Variants in FAM163A observed in about 807,000 individuals in gnomAD.
The protein encoded by FAM163A is family with sequence similarity 163 member A.
FAM163A carries 7 observed loss-of-function variants against 12.0 expected under a neutral mutation model. That is an observed-to-expected ratio of 0.58 (90% confidence interval 0.33 to 1.10). The LOEUF (loss-of-function observed/expected upper bound fraction) is 1.10. FAM163A is among the 50% of genes least tolerant of loss of function. The pLI, the probability that FAM163A is intolerant of heterozygous loss-of-function variation, is 0.03. For synonymous variants in FAM163A, 101 were observed against 91.0 expected (o/e 1.11, Z -0.62); for missense variants, 202 against 218.6 (o/e 0.92, Z 0.48).
chr1:179,780,604 C>A (rs542227234), intron 1 of FAM163A, among the ~76,000 whole-genome samples: 1 of 152,142 alleles, frequency 6.6e-6, no homozygotes, highest in Middle Eastern at 3.2e-3. Flanking sequence ...CAAGACTCAC[C>A]CCAGACCTGC....
intron 1 of FAM163A, among the ~76,000 whole-genome samples, chr1:179,779,748 C>A (rs1361168484): frequency 6.6e-6 from 1 of 152,140 alleles, no homozygotes; most frequent in Non-Finnish European, 1.5e-5. Flanking sequence ...ACTCTCAGGG[C>A]ATTCATAAAG....
At chr1:179,775,719 T>C (rs1198902904) in intron 1 of FAM163A, among the ~76,000 whole-genome samples, 2 of 152,068 alleles carry the variant, frequency 1.3e-5, no homozygotes, top group Non-Finnish European at 2.9e-5. Context: ...ATCAGTAGGA[T>C]AGATGGATGA....
intron 1 of FAM163A, among the ~76,000 whole-genome samples, chr1:179,797,396 CA>C: frequency 6.6e-6 from 1 of 152,102 alleles, no homozygotes; most frequent in South Asian, 2.1e-4. Context: ...TGCAGTGAGC[CA>C]AGATCACGCC....
At chr1:179,741,883 T>C (rs905904820), upstream of FAM163A, 1 of 152,252 alleles carries the variant, frequency 6.6e-6, no homozygotes, top group East Asian at 1.9e-4. Context: ...TCTGGGGTGG[T>C]AGCAATGACC....
intron 1 of FAM163A, among the ~76,000 whole-genome samples, chr1:179,780,695 G>C (rs1447146585): frequency 6.6e-6 from 1 of 152,192 alleles, no homozygotes; most frequent in Non-Finnish European, 1.5e-5. Flanking sequence ...TAAAGTTTGT[G>C]TGATTCCTAC....
chr1:179,814,733 C>T lies in FAM163A; in HGVS notation c.*544C>T, dbSNP rs914523349. ...CTCCAACAGCTAGTTCACAGCCCAG[C>T]TTTGTACGTTGGTTACCATAGCTAC... On this transcript the variant is annotated 3_prime_UTR_variant, in exon 5 of 5. Transcript: ENST00000341785. The T allele has an allele frequency of 5.8e-5, 9 of 155,432 alleles. No homozygotes were observed. Among genetic ancestry groups the T allele is most frequent in the African/African-American group, 2.2e-4 (9 of 41,444 alleles). The allele number at this position is 155,432 out of a possible 1,614,324, so 9.6% of individuals were successfully genotyped here.
intron 1 of FAM163A, among the ~76,000 whole-genome samples, chr1:179,784,593 C>T (rs1690341209): frequency 6.6e-6 from 1 of 152,082 alleles, no homozygotes; most frequent in Non-Finnish European, 1.5e-5. Context: ...CACAACAGAC[C>T]CAGAGAAAAC....
At chr1:179,745,303 G>T (rs989797188) in intron 1 of FAM163A, among the ~76,000 whole-genome samples, 4 of 152,140 alleles carry the variant, frequency 2.6e-5, no homozygotes, top group African/African-American at 9.7e-5. Context: ...GTGCAGATGA[G>T]AGCAGGTCCC....
At chr1:179,741,571 C>T (rs1683647037), upstream of FAM163A, among the ~76,000 whole-genome samples, 1 of 152,136 alleles carries the variant, frequency 6.6e-6, no homozygotes, top group African/African-American at 2.4e-5. Context: ...GTGATATGTC[C>T]ATACAAGGGA....
chr1:179,808,200 G>A (rs1694216898), intron 2 of FAM163A, among the ~76,000 whole-genome samples: 1 of 152,226 alleles, frequency 6.6e-6, no homozygotes, highest in Non-Finnish European at 1.5e-5. Flanking sequence ...TCAGGCACTT[G>A]TTATCCTATG....
chr1:179,774,350 G>A (rs1303681592), intron 1 of FAM163A, among the ~76,000 whole-genome samples: 1 of 152,226 alleles, frequency 6.6e-6, no homozygotes, highest in Non-Finnish European at 1.5e-5. Flanking sequence ...TACAGGTCCG[G>A]CCTTCCCAGT....
chr1:179,765,982 C>T (rs1308271658), intron 1 of FAM163A, among the ~76,000 whole-genome samples: 4 of 152,158 alleles, frequency 2.6e-5, no homozygotes, highest in Middle Eastern at 3.2e-3. Context: ...CTTGGAAGGG[C>T]TCTTACAGCT....
intron 1 of FAM163A, among the ~76,000 whole-genome samples, chr1:179,801,979 G>A (rs934608131): frequency 6.6e-6 from 1 of 152,210 alleles, no homozygotes; most frequent in Non-Finnish European, 1.5e-5. Context: ...GCCTTAGGAA[G>A]GCCAAACAAA....
At position 179,813,103 on chromosome 1, in the gene FAM163A, A is replaced by G; in HGVS notation, c.6A>G (p.Thr2=). The change falls in exon 4 of 5, where the codon ACA becomes ACG. Residue 2 remains threonine, a synonymous_variant. Transcript: ENST00000341785. M[T]AGTVVITGGI... is the part of the protein sequence containing the mutation. ...TTTGATGGGGCGCCGGGCGGATGAC[A>G]GCGGGAACGGTTGTGATCACTGGCG... 2.6e-6 allele frequency: 4 copies of G among 1,551,752 alleles called. No homozygotes were observed. Among genetic ancestry groups the G allele is most frequent in the Non-Finnish European group, 3.5e-6 (4 of 1,147,002 alleles).
At chr1:179,790,407 A>G (rs1002581018) in intron 1 of FAM163A, among the ~76,000 whole-genome samples, 1 of 152,106 alleles carries the variant, frequency 6.6e-6, no homozygotes, top group African/African-American at 2.4e-5. Context: ...TGCCCAGTTT[A>G]CACAGCTTAT....
At chr1:179,769,182 C>G (rs1687922189) in intron 1 of FAM163A, among the ~76,000 whole-genome samples, 1 of 152,116 alleles carries the variant, frequency 6.6e-6, no homozygotes, top group Admixed American at 6.5e-5. Flanking sequence ...ATCTCGCTCT[C>G]TCACCCAGGT....
chr1:179,778,872 T>TAGCC (rs1689339703), intron 1 of FAM163A, among the ~76,000 whole-genome samples: 1 of 152,144 alleles, frequency 6.6e-6, no homozygotes, highest in Non-Finnish European at 1.5e-5. Context: ...CTGTGGAGCA[T>TAGCC]AGCCAGACAG....
chr1:179,801,101 G>A (rs1693110248), intron 1 of FAM163A, among the ~76,000 whole-genome samples: 1 of 152,090 alleles, frequency 6.6e-6, no homozygotes, highest in Admixed American at 6.5e-5. Flanking sequence ...GTATACTATG[G>A]ATATGCACCC....
At chr1:179,757,112 T>C (rs1449236810) in intron 1 of FAM163A, among the ~76,000 whole-genome samples, 2 of 151,698 alleles carry the variant, frequency 1.3e-5, no homozygotes, top group East Asian at 4.0e-4. Context: ...GTATAGACTT[T>C]TATTCCTAGT....
Sources: gnomAD v4.1 joint callset for allele counts (sites outside exome capture counted in the v4.1 genomes callset) on GRCh38, gnomAD v4.1.1 for gene constraint, MANE v1.5 for transcripts, NCBI Gene and HGNC (gene_info 2026-07-23, HGNC 2026-07-21) for gene names.